FTSJ1: variants seen among roughly 807,000 people sequenced by gnomAD.
FTSJ1 encodes tRNA (cytidine(32)/guanosine(34)-2'-O)-methyltransferase.
In FTSJ1, 3 loss-of-function variants were observed where a neutral mutation model predicts 28.5. The ratio of observed to expected loss-of-function variants is 0.11; its 90% CI spans 0.05 to 0.27. FTSJ1 has a LOEUF of 0.27. Among genes scored for constraint, FTSJ1 ranks in the 10% least tolerant of loss-of-function variants. The probability of loss-of-function intolerance (pLI) is 1.00; values close to 1 mark genes in which losing one functional copy is unlikely to be tolerated. For synonymous variants in FTSJ1, 104 were observed against 113.9 expected (o/e 0.91, Z 0.55); for missense variants, 162 against 279.0 (o/e 0.58, Z 2.99).
At chrX:48,479,324 C>T (rs1261740875) in intron 5 of FTSJ1, among the ~76,000 whole-genome samples, 1 of 112,078 alleles carries the variant, frequency 8.9e-6, no homozygotes, top group Non-Finnish European at 1.9e-5. Context: ...TGCACCCCAC[C>T]CTTTGAGTTT....
chrX:48,482,982 G>A lies in FTSJ1; in HGVS notation c.958-4G>A, dbSNP rs1232568982. The A allele has an allele frequency of 2.5e-6, 3 of 1,207,853 alleles. No individual in the cohort carries two copies. The highest frequency in any genetic ancestry group is 3.4e-6 in the Non-Finnish European group (3 of 893,124). ...TGTGAGTCACTTTTCTTTTTCTTGG[G>A]TAGATGGAAGACAATGAAATGAGTT... On this transcript the variant is annotated splice_region_variant and splice_polypyrimidine_tract_variant and intron_variant, in intron 11 of 12. Transcript: ENST00000348411.
chrX:48,482,958 G>T, intron 11 of FTSJ1, 28 bp from the exon 12 acceptor site: 1 of 1,209,633 alleles, frequency 8.3e-7, no homozygotes, highest in Non-Finnish European at 1.1e-6. Context: ...CGCCAAATAT[G>T]TGAGTCACTT....
At chrX:48,478,961 G>A in intron 4 of FTSJ1, 77 bp from the exon 5 acceptor site, 1 of 839,621 alleles carries the variant, frequency 1.2e-6, no homozygotes, top group Non-Finnish European at 1.8e-6. Flanking sequence ...GGGGCTGTGG[G>A]CCAGGACCAT....
chrX:48,484,097 T>G (rs1228637903), intron 12 of FTSJ1, among the ~76,000 whole-genome samples: 3 of 108,069 alleles, frequency 2.8e-5, no homozygotes, highest in South Asian at 4.0e-4. Context: ...TGAGACAGAG[T>G]CTTACTCTGT....
At chrX:48,482,964 C>T (rs781847401) in intron 11 of FTSJ1, 22 bp from the exon 12 acceptor site, 18 of 1,209,732 alleles carry the variant, frequency 1.5e-5, no homozygotes, top group Non-Finnish European at 1.8e-5. Context: ...ATATGTGAGT[C>T]ACTTTTCTTT....
In FTSJ1 at chrX:48,482,681, A is replaced by C; in HGVS notation, c.844A>C (p.Arg282=). The C allele has an allele frequency of 1.7e-6, 2 of 1,205,671 alleles. No homozygotes were observed. The highest frequency in any genetic ancestry group is 2.2e-6 in the Non-Finnish European group (2 of 892,130). The change falls in exon 11 of 13, where the codon AGG becomes CGG. Residue 282 remains arginine (R), a synonymous_variant. Transcript: ENST00000348411. ...PPYQEACTLK[R]KGQLAKEIRP... ...ATACCAGGAGGCCTGCACGTTGAAG[A>C]GGAAGGGGCAGCTGGCCAAGGAGAT... is the stretch of plus-strand genomic sequence containing the variant.
At chrX:48,476,426 G>C in intron 1 of FTSJ1, 30 bp downstream of exon 1, 1 of 294,134 alleles carries the variant, frequency 3.4e-6, no homozygotes, top group Non-Finnish European at 6.0e-6. Flanking sequence ...GGACAGGAAT[G>C]CGGGCGGAGG....
chrX:48,478,384 G>C (rs2061546466), intron 2 of FTSJ1, 65 bp from the exon 3 acceptor site: 1 of 1,101,723 alleles, frequency 9.1e-7, no homozygotes, highest in African/African-American at 1.8e-5. Context: ...GGTGAATTTT[G>C]CAAGGGTCTC....
At chrX:48,484,650 A>T (rs1336765441) in intron 12 of FTSJ1, among the ~76,000 whole-genome samples, 1 of 111,468 alleles carries the variant, frequency 9.0e-6, no homozygotes, top group Non-Finnish European at 1.9e-5. Flanking sequence ...GGCCTCCCAA[A>T]GTGCTGGGAT....
chrX:48,483,123 A>G (rs1556969248), intron 12 of FTSJ1, 96 bp downstream of exon 12: 12 of 665,548 alleles, frequency 1.8e-5, no homozygotes, highest in Non-Finnish European at 3.0e-5. Flanking sequence ...GTCAACTGAT[A>G]AGATTTTAAT....
intron 5 of FTSJ1, 33 bp downstream of exon 5, chrX:48,479,149 G>C (rs781784847): frequency 5.9e-6 from 6 of 1,020,204 alleles, no homozygotes; most frequent in Non-Finnish European, 8.3e-6. Context: ...AGGCCAGGCG[G>C]GGCCCCCTGT....
chrX:48,479,206 T>C (rs2061553074), intron 5 of FTSJ1, 90 bp downstream of exon 5: 4 of 599,062 alleles, frequency 6.7e-6, no homozygotes, highest in African/African-American at 2.2e-5. Flanking sequence ...TATTCACCTC[T>C]TCAGTTACTC....
At chrX:48,479,954 A>AC (rs1333529682) in intron 5 of FTSJ1, among the ~76,000 whole-genome samples, 4 of 111,562 alleles carry the variant, frequency 3.6e-5, no homozygotes, top group Admixed American at 1.9e-4. Context: ...GACCAGCCTG[A>AC]CCAATATGAT....
intron 11 of FTSJ1, 84 bp from the exon 12 acceptor site, chrX:48,482,902 A>G: frequency 1.4e-5 from 17 of 1,209,290 alleles, no homozygotes; most frequent in Non-Finnish European, 1.9e-5. Flanking sequence ...GCCTCCCAAT[A>G]GCTATAAAAA....
At chrX:48,483,662 T>A (rs1029486740) in intron 12 of FTSJ1, among the ~76,000 whole-genome samples, 7 of 110,819 alleles carry the variant, frequency 6.3e-5, no homozygotes, top group Admixed American at 9.7e-5. Context: ...ATTTTTGTAT[T>A]TTTAGGGGAG....
chrX:48,483,872 G>A (rs927475465), intron 12 of FTSJ1, among the ~76,000 whole-genome samples: 6 of 109,472 alleles, frequency 5.5e-5, no homozygotes, highest in South Asian at 7.7e-4. Context: ...AGGCACTGCC[G>A]GAGGGAAGCC....
chrX:48,479,147 C>T (rs1556967647), intron 5 of FTSJ1, 31 bp downstream of exon 5: 18 of 1,029,269 alleles, frequency 1.7e-5, no homozygotes, highest in African/African-American at 5.5e-5. Context: ...GGAGGCCAGG[C>T]GGGGCCCCCT....
At chrX:48,482,338 G>A (rs782725461) in intron 9 of FTSJ1, 65 bp from the exon 10 acceptor site, 19 of 725,191 alleles carry the variant, frequency 2.6e-5, no homozygotes, top group Middle Eastern at 4.4e-4. Context: ...CCATACCGCC[G>A]CCTGTGTCAT....
chrX:48,477,934 G>A, intron 1 of FTSJ1, 27 bp from the exon 2 acceptor site: 2 of 1,098,060 alleles, frequency 1.8e-6, no homozygotes, highest in South Asian at 1.9e-5. Context: ...GCCCAGTTTA[G>A]TTTGTGTGGT....
Sources: allele counts gnomAD v4.1 joint callset (sites outside exome capture counted in the v4.1 genomes callset), GRCh38; gene constraint gnomAD v4.1.1; transcripts MANE v1.5; gene names NCBI Gene and HGNC (gene_info 2026-07-23, HGNC 2026-07-21).